The following FBXW8 variants were observed in gnomAD, a reference collection of about 807,000 sequenced individuals.
FBXW8 encodes the protein F-box/WD repeat-containing protein 8.
In FBXW8, 57 loss-of-function variants were observed where a neutral mutation model predicts 65.3. That is an observed-to-expected ratio of 0.87 (90% confidence interval 0.71 to 1.09). The LOEUF is 1.09. Ranked by LOEUF, FBXW8 falls within the 50% of genes least tolerant of loss-of-function variation. FBXW8 has a pLI of 0.00. For synonymous variants in FBXW8, 308 were observed against 330.2 expected (o/e 0.93, Z 0.73); for missense variants, 777 against 814.8 (o/e 0.95, Z 0.57).
intron 1 of FBXW8, among the ~76,000 whole-genome samples, chr12:116,923,288 A>T (rs11068241): frequency 0.69 from 102,905 of 149,146 alleles, 38,842 homozygotes; most frequent in Non-Finnish European, 0.84. Flanking sequence ...TTTTTTTTTT[A>T]AATTCCACAG....
At chr12:116,963,995 G>A (rs896864216) in intron 4 of FBXW8, among the ~76,000 whole-genome samples, 2 of 152,218 alleles carry the variant, frequency 1.3e-5, no homozygotes, top group Admixed American at 6.5e-5. Context: ...GGGGCCTCAA[G>A]TCTGAGTAGG....
rs1373470407 is a variant in FBXW8, at chr12:116,985,276, A to G, written c.906A>G (p.Ile302Met). ...ATCGTTTTGAGCACGATGCAAGAATACAGGCACTAGCCCTCAGCCAGGACG... is the reference window on the plus strand; with the variant it reads ...ATCGTTTTGAGCACGATGCAAGAATGCAGGCACTAGCCCTCAGCCAGGACG... ...PVHRFEHDAR[I>M]QALALSQDDA... is the part of the protein sequence containing the mutation. Residue 302 changes from isoleucine (I) to methionine (M), a missense_variant, in exon 6 of 11, where the codon ATA (isoleucine) becomes ATG (methionine). Transcript: ENST00000652555. 9 of 1,614,112 alleles carry G rather than the reference A, an allele frequency of 5.6e-6. No individual in the cohort carries two copies. The highest frequency in any genetic ancestry group is 5.9e-6 in the Non-Finnish European group (7 of 1,180,048).
chr12:116,937,549 C>T (rs1882251976), intron 2 of FBXW8, among the ~76,000 whole-genome samples: 1 of 152,174 alleles, frequency 6.6e-6, no homozygotes, highest in Non-Finnish European at 1.5e-5. Context: ...GTGTTAAGCG[C>T]TGTTGTTCAT....
At chr12:116,976,332 G>C (rs2137416726) in intron 5 of FBXW8, among the ~76,000 whole-genome samples, 1 of 142,316 alleles carries the variant, frequency 7.0e-6, no homozygotes, top group East Asian at 2.1e-4. Context: ...TCTCTTTTTT[G>C]TATCTTGCTA....
At chr12:116,912,848 A>C (rs139760206) in intron 1 of FBXW8, among the ~76,000 whole-genome samples, 30 of 152,320 alleles carry the variant, frequency 2.0e-4, no homozygotes, top group African/African-American at 7.2e-4. Context: ...AAATAGCATT[A>C]ATAGCTACTA....
chr12:116,962,194 C>T (rs924015627), intron 4 of FBXW8, among the ~76,000 whole-genome samples: 7 of 152,180 alleles, frequency 4.6e-5, no homozygotes, highest in Non-Finnish European at 1.0e-4. Flanking sequence ...CCAACCTCCT[C>T]TGTGGGAGAA....
chr12:116,987,837 T>G (rs1225491840), intron 6 of FBXW8, among the ~76,000 whole-genome samples: 1 of 152,148 alleles, frequency 6.6e-6, no homozygotes, highest in East Asian at 1.9e-4. Context: ...CATAATCCAC[T>G]TCCCTCCTTG....
At chr12:116,954,069 G>A (rs1477195145) in intron 4 of FBXW8, among the ~76,000 whole-genome samples, 11 of 142,614 alleles carry the variant, frequency 7.7e-5, no homozygotes, top group Admixed American at 5.1e-4. Context: ...AGCTGAGATC[G>A]CACCATTGCA....
chr12:116,956,409 C>T (rs1043676409), intron 4 of FBXW8, among the ~76,000 whole-genome samples: 4 of 152,214 alleles, frequency 2.6e-5, no homozygotes, highest in Admixed American at 6.5e-5. Context: ...CCATACCTCT[C>T]TAGCAACCAA....
At chr12:116,933,021 T>TA (rs10658502) in intron 2 of FBXW8, among the ~76,000 whole-genome samples, 20,249 of 151,836 alleles carry the variant, frequency 0.13, 1,460 homozygotes, top group South Asian at 0.25. Context: ...AAAATTCACT[T>TA]AAAAAAAATG....
At chr12:116,923,479 C>T (rs1486137065) in intron 1 of FBXW8, among the ~76,000 whole-genome samples, 4 of 151,994 alleles carry the variant, frequency 2.6e-5, no homozygotes, top group African/African-American at 7.3e-5. Flanking sequence ...TTTGGCCAGT[C>T]TCACATTGCT....
chr12:116,929,360 G>A (rs916379599), intron 2 of FBXW8, among the ~76,000 whole-genome samples: 18 of 151,928 alleles, frequency 1.2e-4, no homozygotes, highest in African/African-American at 3.6e-4. Context: ...TCAGCCACCC[G>A]CATAGCTGGG....
chr12:117,023,940 C>T (rs1954160629), intron 8 of FBXW8, among the ~76,000 whole-genome samples: 1 of 152,254 alleles, frequency 6.6e-6, no homozygotes, highest in Non-Finnish European at 1.5e-5. Flanking sequence ...TTTCTTGCTC[C>T]ATGTGCTTTT....
chr12:116,958,076 A>G (rs1883760808), intron 4 of FBXW8, among the ~76,000 whole-genome samples: 1 of 152,224 alleles, frequency 6.6e-6, no homozygotes, highest in South Asian at 2.1e-4. Flanking sequence ...ACCAAGATGT[A>G]TGGAAAACAG....
At chr12:116,940,047 C>A (rs1344022993) in intron 2 of FBXW8, among the ~76,000 whole-genome samples, 1 of 152,190 alleles carries the variant, frequency 6.6e-6, no homozygotes, top group African/African-American at 2.4e-5. Context: ...ATTGCCTGAC[C>A]ACTTGTGATC....
At chr12:117,017,308 C>T (rs768581992) in intron 8 of FBXW8, among the ~76,000 whole-genome samples, 1 of 152,162 alleles carries the variant, frequency 6.6e-6, no homozygotes, top group Non-Finnish European at 1.5e-5. Context: ...TAATGCCGGT[C>T]CAGAAAGGTT....
chr12:116,998,984 A>T (rs574366347), intron 7 of FBXW8, among the ~76,000 whole-genome samples: 44 of 152,350 alleles, frequency 2.9e-4, no homozygotes, highest in Admixed American at 1.4e-3. Context: ...ATGATTTATT[A>T]ATTTCCTCCG....
At chr12:117,021,415 C>T (rs1211349843) in intron 8 of FBXW8, among the ~76,000 whole-genome samples, 1 of 151,994 alleles carries the variant, frequency 6.6e-6, no homozygotes, top group Non-Finnish European at 1.5e-5. Flanking sequence ...TGATTGTTCC[C>T]CCCAATAGGA....
intron 8 of FBXW8, among the ~76,000 whole-genome samples, chr12:117,017,891 CAG>C (rs1306474201): frequency 1.1e-4 from 17 of 152,186 alleles, no homozygotes. Flanking sequence ...CCCCCAATTA[CAG>C]AGTCTCAGTG....
Sources: gnomAD v4.1 joint callset for allele counts (sites outside exome capture counted in the v4.1 genomes callset) on GRCh38, gnomAD v4.1.1 for gene constraint, MANE v1.5 for transcripts, NCBI Gene and HGNC (gene_info 2026-07-23, HGNC 2026-07-21) for gene names.